The following GSE1 variants were observed in gnomAD, a reference collection of about 807,000 sequenced individuals.
GSE1 encodes the protein Gse1 coiled-coil protein.
Under a neutral mutation model 112.6 loss-of-function variants are expected in GSE1, and 32 were observed. The ratio of observed to expected loss-of-function variants is 0.28; its 90% CI spans 0.21 to 0.38. GSE1 has a LOEUF of 0.38. Among genes scored for constraint, GSE1 ranks in the 10% least tolerant of loss-of-function variants. The pLI, the probability that GSE1 is intolerant of heterozygous loss-of-function variation, is 1.00. For synonymous variants in GSE1, 1,115 were observed against 735.6 expected (o/e 1.52, Z -8.35); for missense variants, 2,348 against 1,699.2 (o/e 1.38, Z -6.71).
At chr16:85,352,653 C>G (rs913815341) in intron 1 of GSE1, among the ~76,000 whole-genome samples, 11 of 152,294 alleles carry the variant, frequency 7.2e-5, no homozygotes, top group East Asian at 1.9e-4. Flanking sequence ...GGAAGGGGGG[C>G]CCTTTGCCTC....
At position 85,666,145 on chromosome 16, in the gene GSE1, G is replaced by C; in HGVS notation, c.2928G>C (p.Leu976=). Residue 976 remains leucine (L), a synonymous_variant, in exon 13 of 16, where the codon CTG becomes CTC. Transcript: ENST00000253458. ...CTGCCAGCGGGGAGAAGGCCAGGCT[G>C]AGCGAGGCCCCTGGAGGCAAAAAGA... ...LAPASGEKAR[L]SEAPGGKKSL... is the part of the protein sequence containing the mutation. 1 of 1,613,366 alleles carries C rather than the reference G, an allele frequency of 6.2e-7. No individual in the cohort carries two copies. The highest frequency in any genetic ancestry group is 8.5e-7 in the Non-Finnish European group (1 of 1,179,980).
intron 2 of GSE1, among the ~76,000 whole-genome samples, chr16:85,640,987 C>T (rs2050398895): frequency 6.6e-6 from 1 of 152,254 alleles, no homozygotes; most frequent in Admixed American, 6.5e-5. Flanking sequence ...ATCCCGACCC[C>T]TTCTCCGCAT....
intron 1 of GSE1, among the ~76,000 whole-genome samples, chr16:85,209,016 G>A (rs531976290): frequency 1.4e-4 from 21 of 149,970 alleles, no homozygotes; most frequent in Admixed American, 8.0e-4. Flanking sequence ...GGTTCGCTGC[G>A]TGTTGGGGTT....
chr16:85,482,544 G>T (rs964687122), intron 2 of GSE1, among the ~76,000 whole-genome samples: 1 of 152,194 alleles, frequency 6.6e-6, no homozygotes, highest in Non-Finnish European at 1.5e-5. Flanking sequence ...CTTACCTGGG[G>T]GCTTAATATG....
chr16:85,604,906 C>T (rs1388575708), intron 1 of GSE1, among the ~76,000 whole-genome samples: 1 of 118,014 alleles, frequency 8.5e-6, no homozygotes, highest in Admixed American at 9.5e-5. Flanking sequence ...CAAGCTCCGC[C>T]TCCCGGGTTC....
chr16:85,670,951 G>C, intron 14 of GSE1, 44 bp from the exon 15 acceptor site: 1 of 1,243,066 alleles, frequency 8.0e-7, no homozygotes. Context: ...GGGCCTTCGG[G>C]CTCCTGCATA....
At chr16:85,300,412 C>T (rs897743922) in intron 1 of GSE1, among the ~76,000 whole-genome samples, 2 of 152,208 alleles carry the variant, frequency 1.3e-5, no homozygotes, top group African/African-American at 4.8e-5. Context: ...TCTCCTCTTC[C>T]CAAACAGAAA....
At chr16:85,434,488 G>T (rs931067359) in intron 2 of GSE1, among the ~76,000 whole-genome samples, 6 of 152,154 alleles carry the variant, frequency 3.9e-5, no homozygotes, top group Admixed American at 2.6e-4. Flanking sequence ...GAGGCACAAA[G>T]AGGTTGAGCT....
intron 1 of GSE1, among the ~76,000 whole-genome samples, chr16:85,335,573 TAGG>T (rs1280670391): frequency 6.6e-6 from 1 of 151,818 alleles, no homozygotes; most frequent in East Asian, 1.9e-4. Flanking sequence ...TGGCCCAGAA[TAGG>T]AGGAGGTACA....
At chr16:85,219,843 G>T (rs757917588) in intron 1 of GSE1, among the ~76,000 whole-genome samples, 2 of 152,200 alleles carry the variant, frequency 1.3e-5, no homozygotes, top group South Asian at 4.1e-4. Context: ...CCCCCAAGCC[G>T]ACGTCTCTTT....
At chr16:85,432,562 C>A (rs2049146881) in intron 2 of GSE1, among the ~76,000 whole-genome samples, 1 of 152,252 alleles carries the variant, frequency 6.6e-6, no homozygotes, top group Non-Finnish European at 1.5e-5. Flanking sequence ...CCTGCAAGCA[C>A]ATATGTTGCA....
exon 1 of GSE1, chr16:85,169,938 G>C (rs2074331363): frequency 1.0e-6 from 1 of 984,478 alleles, no homozygotes; most frequent in Non-Finnish European, 1.2e-6. Flanking sequence ...CCCGCGAGTG[G>C]AACGTCGCCT....
intron 1 of GSE1, among the ~76,000 whole-genome samples, chr16:85,201,335 G>T (rs963749574): frequency 3.9e-5 from 5 of 128,564 alleles, no homozygotes; most frequent in Admixed American, 3.7e-4. Context: ...GTTTCCCTTT[G>T]GTGTTTTTTT....
At chr16:85,312,768 AGAG>A (rs1455746853) in intron 1 of GSE1, among the ~76,000 whole-genome samples, 1 of 151,420 alleles carries the variant, frequency 6.6e-6, no homozygotes, top group Non-Finnish European at 1.5e-5. Flanking sequence ...GGGAGGAAGG[AGAG>A]GAGGAGGAGA....
chr16:85,332,313 G>A (rs1295836667), intron 1 of GSE1, among the ~76,000 whole-genome samples: 6 of 152,218 alleles, frequency 3.9e-5, no homozygotes, highest in Admixed American at 1.3e-4. Flanking sequence ...CAGATGGGTC[G>A]AATTCCTCCG....
chr16:85,274,994 C>T (rs946384089), intron 1 of GSE1, among the ~76,000 whole-genome samples: 4 of 152,220 alleles, frequency 2.6e-5, no homozygotes, highest in Admixed American at 6.5e-5. Context: ...AGGCTCAAAG[C>T]GTTCCTTATT....
At position 85,216,453 on chromosome 16, in the gene GSE1, A is replaced by G. The variant is rs540167223; in HGVS notation, c.2283+44646A>G. Among the ~76,000 whole-genome samples, 9 of 152,332 alleles carry G rather than the reference A, an allele frequency of 5.9e-5. No homozygotes were observed. In the South Asian group the frequency reaches 1.9e-3, roughly 32 times the overall value. ...CCAGCTCTCTCTATTACCATATCTA[A>G]TAGTGATATAATGTTATCTGATTAT... On this transcript the variant is annotated intron_variant, in intron 1 of 2. Transcript: ENST00000637419.
chr16:85,279,381 C>T (rs1415861267), intron 1 of GSE1, among the ~76,000 whole-genome samples: 2 of 152,178 alleles, frequency 1.3e-5, no homozygotes, highest in Admixed American at 6.5e-5. Context: ...GCCAAGGCAG[C>T]GGATCACTTG....
chr16:85,626,474 G>C (rs1280695928), intron 1 of GSE1, among the ~76,000 whole-genome samples: 1 of 152,226 alleles, frequency 6.6e-6, no homozygotes, highest in African/African-American at 2.4e-5. Context: ...CCCTTTATTT[G>C]TTCACAAACA....
Sources: allele counts gnomAD v4.1 joint callset (sites outside exome capture counted in the v4.1 genomes callset), GRCh38; gene constraint gnomAD v4.1.1; transcripts MANE v1.5; gene names NCBI Gene and HGNC (gene_info 2026-07-23, HGNC 2026-07-21).